Variants in ANKFN1 observed in about 807,000 individuals in gnomAD.
The protein encoded by ANKFN1 is ankyrin repeat and fibronectin type III domain containing 1, also known as ankyrin repeat and fibronectin type-III domain-containing protein 1.
Under a neutral mutation model 108.7 loss-of-function variants are expected in ANKFN1, and 74 were observed. The observed-to-expected ratio is 0.68, with a 90% confidence interval of 0.56 to 0.83. The LOEUF (loss-of-function observed/expected upper bound fraction) is 0.83. Among genes scored for constraint, ANKFN1 ranks in the 40% least tolerant of loss-of-function variants. The pLI, the probability that ANKFN1 is intolerant of heterozygous loss-of-function variation, is 0.00. For missense variants in ANKFN1, 1,505 were observed against 1,382.3 expected (o/e 1.09, Z -1.41); for synonymous variants, 547 against 516.2 (o/e 1.06, Z -0.81).
At chr17:56,264,131 A>G (rs1302587461) in intron 3 of ANKFN1, among the ~76,000 whole-genome samples, 1 of 152,202 alleles carries the variant, frequency 6.6e-6, no homozygotes, top group South Asian at 2.1e-4. Context: ...GAAAGATGCC[A>G]TGGAACTCTG....
At chr17:56,443,506 A>C (rs1001790010) in intron 10 of ANKFN1, among the ~76,000 whole-genome samples, 1 of 152,188 alleles carries the variant, frequency 6.6e-6, no homozygotes, top group South Asian at 2.1e-4. Flanking sequence ...CATACAGTCC[A>C]TTGTAGCTCT....
intron 3 of ANKFN1, among the ~76,000 whole-genome samples, chr17:56,256,370 C>A (rs1366715872): frequency 6.6e-6 from 1 of 152,164 alleles, no homozygotes; most frequent in Non-Finnish European, 1.5e-5. Flanking sequence ...TCATGGCAGA[C>A]AAAAGCCTAT....
chr17:56,106,209 A>T (rs1257059417), intron 4 of ANKFN1, among the ~76,000 whole-genome samples: 2 of 151,944 alleles, frequency 1.3e-5, no homozygotes, highest in African/African-American at 4.8e-5. Context: ...CACAGCCAGG[A>T]CTCCAACCAG....
At chr17:56,172,069 A>T (rs933284094) in intron 1 of ANKFN1, among the ~76,000 whole-genome samples, 1 of 152,212 alleles carries the variant, frequency 6.6e-6, no homozygotes, top group Admixed American at 6.5e-5. Flanking sequence ...CTTGTTATAT[A>T]CATGAATGAC....
At chr17:56,482,330 T>C (rs752482484) in intron 17 of ANKFN1, 26 bp from the exon 18 acceptor site, 1 of 1,549,356 alleles carries the variant, frequency 6.5e-7, no homozygotes, top group East Asian at 2.3e-5. Context: ...CTCTCCTATT[T>C]TTCCTCCGCG....
At chr17:56,387,472 C>T (rs1260942888) in intron 8 of ANKFN1, among the ~76,000 whole-genome samples, 3 of 152,112 alleles carry the variant, frequency 2.0e-5, no homozygotes, top group Admixed American at 1.3e-4. Flanking sequence ...GTATTTTTAT[C>T]GTTAATGTCT....
At chr17:56,056,349 A>T (rs1280616627) in intron 4 of ANKFN1, among the ~76,000 whole-genome samples, 1 of 145,518 alleles carries the variant, frequency 6.9e-6, no homozygotes, top group Non-Finnish European at 1.5e-5. Flanking sequence ...ACCAAAAAAG[A>T]CCCTGAATAG....
Position 56,504,348 on chromosome 17 carries a change from AT to A in ANKFN1, c.2644+5251del, listed in dbSNP as rs533738487. 1.4e-3 allele frequency among the ~76,000 whole-genome samples: 216 copies of A among 152,172 alleles called. 1 individual carries two copies. The highest frequency in any genetic ancestry group is 4.3e-3 in the Admixed American group (65 of 15,290). Reference sequence around the variant, plus strand: ...CTTTAAGTCAATAGTCTTTCCTGAAATGTCATCTCCCCATCTTTCCTGAAAT... The same window carrying A: ...CTTTAAGTCAATAGTCTTTCCTGAAAGTCATCTCCCCATCTTTCCTGAAAT... On this transcript the variant is annotated intron_variant, in intron 20 of 20. Coordinates refer to ENST00000682825, the MANE Select transcript of ANKFN1 (RefSeq NM_001370326.1).
intron 6 of ANKFN1, among the ~76,000 whole-genome samples, chr17:56,358,814 C>G (rs1340596355): frequency 6.6e-6 from 1 of 152,160 alleles, no homozygotes; most frequent in Non-Finnish European, 1.5e-5. Flanking sequence ...CGCTATGACT[C>G]ATGTTCAATT....
rs1012063190 is a variant in ANKFN1, at chr17:56,157,578, C to T, written c.-71+4048C>T. Among the ~76,000 whole-genome samples, 5 of 152,216 alleles carry T rather than the reference C, an allele frequency of 3.3e-5. No homozygotes were observed. In the South Asian group the frequency reaches 1.0e-3, roughly 32 times the overall value. ...AGTATGTGTGGACTATGGCGTCTTA[C>T]CAGGGACTATTTCCCTGCCTGGCAC... On this transcript the variant is annotated intron_variant, in intron 1 of 20. Coordinates refer to ENST00000682825, the MANE Select transcript of ANKFN1 (RefSeq NM_001370326.1).
chr17:56,446,627 A>G (rs543734395), intron 10 of ANKFN1, among the ~76,000 whole-genome samples: 1 of 152,292 alleles, frequency 6.6e-6, no homozygotes, highest in South Asian at 2.1e-4. Context: ...AGACAAACTA[A>G]AAAGAGACTT....
chr17:56,315,620 A>C (rs907327542), intron 3 of ANKFN1, among the ~76,000 whole-genome samples: 1 of 152,218 alleles, frequency 6.6e-6, no homozygotes, highest in Admixed American at 6.5e-5. Context: ...TGCATCCAGT[A>C]GGTTTCACAA....
chr17:56,288,235 T>C (rs1157573149), intron 3 of ANKFN1, among the ~76,000 whole-genome samples: 1 of 152,186 alleles, frequency 6.6e-6, no homozygotes, highest in African/African-American at 2.4e-5. Context: ...CAGAAAACTG[T>C]TATTAGTTTC....
At position 56,489,620 on chromosome 17, in the gene ANKFN1, C is replaced by T. The variant is rs1009710006; in HGVS notation, c.2261-2567C>T. ...CAACAAGAGAAAGCTGTGAACACCC[C>T]GGCTTGTAAGAATTCAGATCAGACT... On this transcript the variant is annotated intron_variant, in intron 18 of 20. Coordinates refer to ENST00000682825, the MANE Select transcript of ANKFN1 (RefSeq NM_001370326.1). Among the ~76,000 whole-genome samples the T allele has an allele frequency of 6.1e-4, 92 of 152,032 alleles. 7 individuals are homozygous for T. Among genetic ancestry groups the T allele is most frequent in the Non-Finnish European group, 2.9e-5 (2 of 68,014 alleles).
intron 1 of ANKFN1, among the ~76,000 whole-genome samples, chr17:56,184,137 G>A (rs8065901): frequency 0.32 from 48,157 of 152,040 alleles, 9,054 homozygotes; most frequent in East Asian, 0.51. Context: ...AAGAAGTTCT[G>A]CTGTGGGTAA....
At chr17:56,241,913 G>A (rs1917611246) in intron 3 of ANKFN1, among the ~76,000 whole-genome samples, 1 of 152,112 alleles carries the variant, frequency 6.6e-6, no homozygotes, top group Non-Finnish European at 1.5e-5. Context: ...AGCATATTCA[G>A]TGTGGATATG....
intron 17 of ANKFN1, among the ~76,000 whole-genome samples, chr17:56,481,948 C>CTT (rs762539140): frequency 1.4e-5 from 2 of 146,044 alleles, no homozygotes; most frequent in Admixed American, 1.4e-4. Context: ...GTGCATACAA[C>CTT]TTTTTTTTTT....
intron 3 of ANKFN1, among the ~76,000 whole-genome samples, chr17:56,317,983 T>C (rs904257657): frequency 2.0e-5 from 3 of 152,196 alleles, no homozygotes; most frequent in Admixed American, 6.6e-5. Context: ...TGGGAAACAA[T>C]GATAACCACC....
In ANKFN1 at chr17:56,466,423, T is replaced by C; in HGVS notation, c.1625T>C (p.Ile542Thr). The change falls in exon 15 of 21, where the codon ATA becomes ACA. Residue 542 changes from isoleucine to threonine, a missense_variant. Ile to Thr is a moderately conservative substitution (Grantham distance 89, BLOSUM62 -1). Coordinates refer to ENST00000682825, the MANE Select transcript of ANKFN1 (RefSeq NM_001370326.1). ...CCCATTAAAGATCGACATGGAAACA[T>C]ACTCATAGTCACCATCAGGGAGGTG... ...YEPIKDRHGN[I>T]LIVTIREVEM... The C allele has an allele frequency of 6.2e-7, 1 of 1,614,204 alleles. No homozygotes were observed. The highest frequency in any genetic ancestry group is 8.5e-7 in the Non-Finnish European group (1 of 1,180,020).
Sources: gnomAD v4.1 joint callset for allele counts (sites outside exome capture counted in the v4.1 genomes callset) on GRCh38, gnomAD v4.1.1 for gene constraint, MANE v1.5 for transcripts, NCBI Gene and HGNC (gene_info 2026-07-23, HGNC 2026-07-21) for gene names.